The following DOCK4 variants were observed in gnomAD, a reference collection of about 807,000 sequenced individuals.
DOCK4 encodes dedicator of cytokinesis 4, also known as dedicator of cytokinesis protein 4.
Under a neutral mutation model 268.1 loss-of-function variants are expected in DOCK4, and 97 were observed. That is an observed-to-expected ratio of 0.36 (90% CI 0.31 to 0.43). DOCK4 has a LOEUF of 0.43. DOCK4 is among the 20% of genes least tolerant of loss of function. The pLI, the probability that DOCK4 is intolerant of heterozygous loss-of-function variation, is 1.00. For missense variants in DOCK4, 2,145 were observed against 2,455.7 expected (o/e 0.87, Z 2.67); for synonymous variants, 954 against 887.2 (o/e 1.08, Z -1.34).
At chr7:112,147,853 G>C (rs899837251) in intron 1 of DOCK4, among the ~76,000 whole-genome samples, 1 of 139,160 alleles carries the variant, frequency 7.2e-6, no homozygotes, top group Non-Finnish European at 1.5e-5. Context: ...ACCAGGAGGA[G>C]GCTTGAAAGC....
intron 36 of DOCK4, among the ~76,000 whole-genome samples, chr7:111,777,212 A>G (rs1002350593): frequency 6.6e-6 from 1 of 152,196 alleles, no homozygotes; most frequent in African/African-American, 2.4e-5. Context: ...TACAGACACA[A>G]AAGAACTGTT....
At chr7:111,762,757 GTTTTC>G (rs1563469335) in intron 39 of DOCK4, among the ~76,000 whole-genome samples, 1 of 55,012 alleles carries the variant, frequency 1.8e-5, no homozygotes, top group African/African-American at 6.7e-5. Flanking sequence ...ATTTTGTTTT[GTTTTC>G]TTTTTTTTTT....
intron 1 of DOCK4, among the ~76,000 whole-genome samples, chr7:112,194,120 T>C (rs1197923364): frequency 6.6e-6 from 1 of 152,184 alleles, no homozygotes; most frequent in Non-Finnish European, 1.5e-5. Context: ...AAACATTCAG[T>C]TTATAGCACC....
At chr7:111,891,563 C>A (rs186030105) in intron 16 of DOCK4, among the ~76,000 whole-genome samples, 7 of 152,322 alleles carry the variant, frequency 4.6e-5, no homozygotes, top group Admixed American at 2.6e-4. Context: ...CCTTGAATCA[C>A]CTTTGCTCAC....
chr7:111,769,649 G>A lies in DOCK4; in HGVS notation c.3708C>T (p.Asp1236=), dbSNP rs202218668. The change falls in exon 37 of 53, where the codon GAC becomes GAT. Residue 1236 remains aspartate, a synonymous_variant. Transcript: ENST00000428084. ...GCCGATCAGACCATTCCAGTAGCTC[G>A]TCATATAAGAGGAGGGTATATGCAG... ...TEAAYTLLLY[D]ELLEWSDRPL... is the part of the protein sequence containing the mutation. 55 of 1,613,592 alleles carry A rather than the reference G, an allele frequency of 3.4e-5. No individual in the cohort carries two copies. The highest frequency in any genetic ancestry group is 1.6e-4 in the Middle Eastern group (1 of 6,084).
chr7:111,806,085 T>A (rs1800644788), intron 30 of DOCK4, among the ~76,000 whole-genome samples: 3 of 152,216 alleles, frequency 2.0e-5, no homozygotes, highest in African/African-American at 7.2e-5. Context: ...CCAAAATACT[T>A]GCATATATCC....
intron 27 of DOCK4, 66 bp from the exon 28 acceptor site, chr7:111,812,015 TA>T: frequency 1.2e-6 from 1 of 833,504 alleles, no homozygotes; most frequent in East Asian, 2.8e-5. Flanking sequence ...TATACAAGAA[TA>T]AAAACCTACT....
intron 12 of DOCK4, among the ~76,000 whole-genome samples, chr7:111,933,293 TA>T (rs1455952358): frequency 3.4e-5 from 4 of 118,288 alleles, no homozygotes; most frequent in African/African-American, 1.4e-4. Context: ...TATATATATA[TA>T]TATATTTTTT....
At chr7:112,033,742 A>T (rs1803487182) in intron 1 of DOCK4, among the ~76,000 whole-genome samples, 1 of 152,192 alleles carries the variant, frequency 6.6e-6, no homozygotes, top group Non-Finnish European at 1.5e-5. Context: ...CATTGCCCCA[A>T]ATAACACAGT....
chr7:112,132,614 T>G (rs1451045560), intron 1 of DOCK4, among the ~76,000 whole-genome samples: 1 of 150,864 alleles, frequency 6.6e-6, no homozygotes, highest in East Asian at 2.0e-4. Flanking sequence ...GCAAATGCTT[T>G]AATAGAAAAA....
At chr7:112,104,369 C>G (rs777475278) in intron 1 of DOCK4, among the ~76,000 whole-genome samples, 5 of 152,130 alleles carry the variant, frequency 3.3e-5, no homozygotes, top group Non-Finnish European at 7.4e-5. Flanking sequence ...ATTAACCAGC[C>G]ATGCTCTCTC....
chr7:112,011,757 C>A (rs1018915), intron 1 of DOCK4, among the ~76,000 whole-genome samples: 55,592 of 133,762 alleles, frequency 0.42, 11,508 homozygotes, highest in Non-Finnish European at 0.44. Context: ...AAAAAAAAAA[C>A]AAAAAAAAAA....
intron 30 of DOCK4, among the ~76,000 whole-genome samples, chr7:111,794,960 T>A (rs148403485): frequency 6.6e-6 from 1 of 152,344 alleles, no homozygotes; most frequent in East Asian, 1.9e-4. Flanking sequence ...TTTCTCCTCT[T>A]AAAGTTGTCT....
At chr7:112,061,314 T>C (rs1208675160) in intron 1 of DOCK4, among the ~76,000 whole-genome samples, 2 of 151,970 alleles carry the variant, frequency 1.3e-5, no homozygotes, top group Admixed American at 6.6e-5. Flanking sequence ...CCCTTGAGGA[T>C]TGCAAAGGTG....
At chr7:111,979,990 G>A (rs1798487529) in intron 7 of DOCK4, among the ~76,000 whole-genome samples, 1 of 152,140 alleles carries the variant, frequency 6.6e-6, no homozygotes, top group South Asian at 2.1e-4. Context: ...AGTTTTAAAA[G>A]CTCCCCAGGT....
At chr7:111,926,637 AT>A (rs1793715865) in intron 12 of DOCK4, among the ~76,000 whole-genome samples, 1 of 151,158 alleles carries the variant, frequency 6.6e-6, no homozygotes, top group Non-Finnish European at 1.5e-5. Context: ...CCTGGCCAAC[AT>A]GGTAAAAACA....
intron 38 of DOCK4, among the ~76,000 whole-genome samples, chr7:111,766,196 T>A (rs143150147): frequency 5.3e-5 from 8 of 152,292 alleles, no homozygotes; most frequent in African/African-American, 1.7e-4. Context: ...ACTGCTGACA[T>A]GAAATACTGT....
intron 8 of DOCK4, among the ~76,000 whole-genome samples, chr7:111,969,610 C>T (rs1797538394): frequency 6.7e-6 from 1 of 149,566 alleles, no homozygotes; most frequent in Middle Eastern, 3.5e-3. Context: ...TGAATAGGTT[C>T]TGGAGAGTCT....
At chr7:111,800,978 C>A (rs1219487498) in intron 30 of DOCK4, among the ~76,000 whole-genome samples, 3 of 152,180 alleles carry the variant, frequency 2.0e-5, no homozygotes, top group African/African-American at 7.2e-5. Flanking sequence ...TAAAAAGCAA[C>A]CGCCCGAAAC....
Sources: gnomAD v4.1 joint callset for allele counts (sites outside exome capture counted in the v4.1 genomes callset) on GRCh38, gnomAD v4.1.1 for gene constraint, MANE v1.5 for transcripts, NCBI Gene and HGNC (gene_info 2026-07-23, HGNC 2026-07-21) for gene names.